The following FMN1 variants were observed in gnomAD, a reference collection of about 807,000 sequenced individuals.
FMN1 encodes formin-1.
A neutral mutation model predicts 132.4 loss-of-function variants in FMN1; 110 were observed. The ratio of observed to expected loss-of-function variants is 0.83; its 90% confidence interval spans 0.71 to 0.97. The LOEUF (loss-of-function observed/expected upper bound fraction) is 0.97. FMN1 is among the 50% of genes least tolerant of loss of function. The pLI is 0.00. For synonymous variants in FMN1, 722 were observed against 651.7 expected (o/e 1.11, Z -1.64); for missense variants, 1,792 against 1,705.3 (o/e 1.05, Z -0.90).
chr15:32,914,426 G>A (rs1021641689), intron 10 of FMN1, among the ~76,000 whole-genome samples: 1 of 152,134 alleles, frequency 6.6e-6, no homozygotes, highest in Non-Finnish European at 1.5e-5. Flanking sequence ...ATGGCAGGTA[G>A]TTCAATTTTG....
intron 15 of FMN1, among the ~76,000 whole-genome samples, chr15:32,897,978 T>G (rs1567349699): frequency 6.6e-6 from 1 of 152,070 alleles, no homozygotes. Flanking sequence ...GGGAAAAGTT[T>G]GGGGGGCGGG....
chr15:33,034,728 T>C (rs2036111261), intron 6 of FMN1, among the ~76,000 whole-genome samples: 1 of 152,200 alleles, frequency 6.6e-6, no homozygotes, highest in Admixed American at 6.5e-5. Context: ...CACCACCTCC[T>C]GTGCAAATAT....
At chr15:33,113,631 G>C (rs866493263) in intron 4 of FMN1, among the ~76,000 whole-genome samples, 48 of 152,022 alleles carry the variant, frequency 3.2e-4, no homozygotes, top group African/African-American at 1.0e-3. Flanking sequence ...TTCCTCTACA[G>C]CCCACCTCAT....
At chr15:32,809,055 G>C (rs1171933057) in intron 17 of FMN1, among the ~76,000 whole-genome samples, 1 of 149,142 alleles carries the variant, frequency 6.7e-6, no homozygotes, top group Admixed American at 6.7e-5. Flanking sequence ...AGGAGAAAGA[G>C]AAAAACTTAT....
chr15:32,787,947 T>C (rs1275023093), intron 19 of FMN1, among the ~76,000 whole-genome samples: 1 of 152,240 alleles, frequency 6.6e-6, no homozygotes, highest in African/African-American at 2.4e-5. Flanking sequence ...CCCTACTCTA[T>C]TCCTAAGATA....
intron 9 of FMN1, among the ~76,000 whole-genome samples, chr15:32,936,526 T>C (rs933815495): frequency 2.6e-5 from 4 of 152,210 alleles, no homozygotes; most frequent in Non-Finnish European, 5.9e-5. Context: ...CTGCAGTTTC[T>C]CTGGAGGTAT....
intron 12 of FMN1, among the ~76,000 whole-genome samples, chr15:32,907,528 A>G (rs2060456616): frequency 6.6e-6 from 1 of 151,724 alleles, no homozygotes; most frequent in African/African-American, 2.4e-5. Context: ...GGCTGGTACC[A>G]GTCTGTGGCC....
At chr15:32,919,528 G>A (rs1442626774) in intron 10 of FMN1, among the ~76,000 whole-genome samples, 2 of 152,100 alleles carry the variant, frequency 1.3e-5, no homozygotes, top group Admixed American at 1.3e-4. Flanking sequence ...ATCAAAATTA[G>A]CAAGACATTT....
intron 19 of FMN1, among the ~76,000 whole-genome samples, chr15:32,780,565 A>G (rs2056631181): frequency 6.6e-6 from 1 of 152,202 alleles, no homozygotes; most frequent in South Asian, 2.1e-4. Flanking sequence ...TGGAGTAGCC[A>G]TTCTTTTATT....
intron 17 of FMN1, among the ~76,000 whole-genome samples, chr15:32,808,306 G>A (rs28718061): frequency 6.6e-6 from 1 of 152,144 alleles, no homozygotes; most frequent in Non-Finnish European, 1.5e-5. Context: ...TGTGTCACCT[G>A]AGTGTCATGA....
intron 19 of FMN1, among the ~76,000 whole-genome samples, chr15:32,781,616 C>G (rs1032644016): frequency 6.6e-6 from 1 of 152,142 alleles, no homozygotes; most frequent in Non-Finnish European, 1.5e-5. Flanking sequence ...GATTCAAAAT[C>G]TTATGCTTTT....
intron 6 of FMN1, among the ~76,000 whole-genome samples, chr15:33,017,301 A>G (rs1205792775): frequency 6.6e-6 from 1 of 151,890 alleles, no homozygotes; most frequent in Non-Finnish European, 1.5e-5. Flanking sequence ...ATTCTAATGT[A>G]AACTGTGGAC....
At chr15:32,797,523 T>C (rs796173793) in intron 19 of FMN1, among the ~76,000 whole-genome samples, 11 of 152,340 alleles carry the variant, frequency 7.2e-5, no homozygotes, top group African/African-American at 2.6e-4. Context: ...GCAAGAACTA[T>C]GGGTTGGGTG....
intron 4 of FMN1, among the ~76,000 whole-genome samples, chr15:33,135,417 A>T (rs1963721232): frequency 6.6e-6 from 1 of 152,216 alleles, no homozygotes. Flanking sequence ...AAAATAAGAT[A>T]AGCCACTGCA....
At chr15:32,991,572 G>C (rs770262180) in intron 7 of FMN1, among the ~76,000 whole-genome samples, 2 of 152,150 alleles carry the variant, frequency 1.3e-5, no homozygotes, top group African/African-American at 2.4e-5. Flanking sequence ...CTGCAGGGCT[G>C]TCTCTTGATG....
At chr15:32,916,440 A>G (rs1422434487) in intron 10 of FMN1, among the ~76,000 whole-genome samples, 1 of 152,184 alleles carries the variant, frequency 6.6e-6, no homozygotes, top group Non-Finnish European at 1.5e-5. Context: ...CTGAGGGAGC[A>G]CCTCTGAGCA....
At chr15:33,190,362 T>C (rs1291788542) in intron 2 of FMN1, among the ~76,000 whole-genome samples, 3 of 152,200 alleles carry the variant, frequency 2.0e-5, no homozygotes, top group African/African-American at 7.2e-5. Flanking sequence ...TTGAATTTCA[T>C]TTGTGCAAAT....
chr15:32,883,240 T>A (rs1441789393), intron 16 of FMN1, among the ~76,000 whole-genome samples: 2 of 152,224 alleles, frequency 1.3e-5, no homozygotes, highest in South Asian at 4.2e-4. Context: ...TGGTGGCTCA[T>A]GCCTGTAATC....
At chr15:32,835,337 G>T (rs1477993506) in intron 17 of FMN1, among the ~76,000 whole-genome samples, 1 of 152,120 alleles carries the variant, frequency 6.6e-6, no homozygotes, top group Admixed American at 6.6e-5. Flanking sequence ...AATAAACTTA[G>T]AATTATTTTC....
Sources: allele counts gnomAD v4.1 joint callset (sites outside exome capture counted in the v4.1 genomes callset), GRCh38; gene constraint gnomAD v4.1.1; transcripts MANE v1.5; gene names NCBI Gene and HGNC (gene_info 2026-07-23, HGNC 2026-07-21).